ITGA7: variants seen among roughly 807,000 people sequenced by gnomAD.
The protein encoded by ITGA7 is integrin alpha-7.
A neutral mutation model predicts 131.6 loss-of-function variants in ITGA7; 84 were observed. That is an observed-to-expected ratio of 0.64 (90% CI 0.54 to 0.77). ITGA7 has a LOEUF of 0.77. Ranked by LOEUF, ITGA7 falls within the 30% of genes least tolerant of loss-of-function variation. ITGA7 has a pLI of 0.00. For missense variants in ITGA7, 1,399 were observed against 1,482.9 expected (o/e 0.94, Z 0.93); for synonymous variants, 548 against 600.7 (o/e 0.91, Z 1.28).
intron 24 of ITGA7, among the ~76,000 whole-genome samples, chr12:55,686,759 T>A (rs1375098571): frequency 6.6e-6 from 1 of 152,248 alleles, no homozygotes; most frequent in Admixed American, 6.5e-5. Context: ...GCTCTGGGTG[T>A]ACAAGAATGC....
chr12:55,696,419 T>A lies in ITGA7; in HGVS notation c.1751A>T (p.Asp584Val). 6.2e-7 allele frequency: 1 copy of A among 1,600,472 alleles called. No homozygotes were observed. Among genetic ancestry groups the A allele is most frequent in the Non-Finnish European group, 8.5e-7 (1 of 1,172,272 alleles). ...AMFQLQENVK[D>V]KLRAIVVTLS... ...GGTCACTACAATGGCCCGAAGCTTG[T>A]CTTTGACATTTTCCTAGGAAGAGGA... Residue 584 changes from aspartate to valine, a missense_variant, in exon 13 of 25, where the codon GAC becomes GTC. By Grantham distance (152) the Asp-to-Val change is radical (BLOSUM62 -3). Coordinates refer to ENST00000257879, the MANE Select transcript of ITGA7 (RefSeq NM_002206.3).
At position 55,707,820 on chromosome 12, in the gene ITGA7, G is replaced by GCCCTCCCGCCCGCCCGCCGCTCCGCCAC; in HGVS notation, c.-166_-139dup. On this transcript the variant is annotated 5_prime_UTR_variant, in exon 1 of 25. Transcript: ENST00000257879. The stretch of plus-strand genomic sequence containing the variant: ...CGTCTCCCAGACGTTCGCCCCGCCA[G>GCCCTCCCGCCCGCCCGCCGCTCCGCCAC]CCCTCCCGCCCGCCCGCCGCTCCGC... 6.9e-7 allele frequency: 1 copy of GCCCTCCCGCCCGCCCGCCGCTCCGCCAC among 1,455,778 alleles called. No individual in the cohort carries two copies. The allele number at this position is 1,455,778 out of a possible 1,614,324, so 90.2% of individuals were successfully genotyped here. A position where few individuals can be genotyped will look rare whatever the true frequency, so the allele number is the denominator to read the frequency against.
upstream of ITGA7, among the ~76,000 whole-genome samples, chr12:55,709,143 T>C (rs1875792066): frequency 6.6e-6 from 1 of 152,222 alleles, no homozygotes; most frequent in East Asian, 1.9e-4. Context: ...CCAAATTCTA[T>C]TTTGTCATCA....
chr12:55,715,989 G>GAT, upstream of ITGA7: 2 of 1,478,618 alleles, frequency 1.4e-6, no homozygotes, highest in South Asian at 2.6e-5. Flanking sequence ...TCCCCGCCAA[G>GAT]ATCTTCACCC....
In ITGA7 at chr12:55,685,123, TG is replaced by T. The variant is rs2135930554; in HGVS notation, c.3348del (p.Ile1117SerfsTer106). 1 of 1,612,782 alleles carries T rather than the reference TG, an allele frequency of 6.2e-7. No individual in the cohort carries two copies. The highest frequency in any genetic ancestry group is 8.5e-7 in the Non-Finnish European group (1 of 1,179,934). ...TCGGGATGCCCGTCAGCAGCCAGGATGGGGTGTGCATCCGGGCCCTCCCGCC... is the reference window on the plus strand; with the variant it reads ...TCGGGATGCCCGTCAGCAGCCAGGATGGGTGTGCATCCGGGCCCTCCCGCC... ...SPRREGPDAH[P>X]ILAADGHPEL... On this transcript the variant is annotated frameshift_variant, in exon 25 of 25. Transcript: ENST00000257879. LOFTEE classifies it high-confidence loss of function.
Position 55,688,836 on chromosome 12 carries a change from A to G in ITGA7, c.2958+8T>C. 6.2e-7 allele frequency: 1 copy of G among 1,603,458 alleles called. No individual in the cohort carries two copies. Among genetic ancestry groups the G allele is most frequent in the Non-Finnish European group, 8.5e-7 (1 of 1,170,402 alleles). ...GAAACACAGACTAGAGCCGAGTGGT[A>G]TCCTCACCTCCAGAAAGGTGCTGTT... On this transcript the variant is annotated splice_region_variant and intron_variant, in intron 22 of 24. Transcript: ENST00000257879.
Position 55,703,164 on chromosome 12 carries a change from G to A in ITGA7, c.221C>T (p.Ala74Val). Residue 74 changes from alanine to valine, a missense_variant, in exon 2 of 25, where the codon GCT becomes GTT. By Grantham distance (64) the Ala-to-Val change is moderately conservative. Coordinates refer to ENST00000257879, the MANE Select transcript of ITGA7 (RefSeq NM_002206.3). ...CCCAGGAAGAGCCAGGGCCTGGGGA[G>A]CACCCACCAGCAGCCTGCAAGATGG... ...PRPQSWLLVG[A>V]PQALALPGQQ... 1 of 1,610,514 alleles carries A rather than the reference G, an allele frequency of 6.2e-7. No homozygotes were observed. The highest frequency in any genetic ancestry group is 1.1e-5 in the South Asian group (1 of 91,024).
Position 55,696,905 on chromosome 12 carries a change from C to T in ITGA7, c.1731G>A (p.Gln577=). The change falls in exon 12 of 25, where the codon CAG becomes CAA. Residue 577 remains glutamine, a synonymous_variant. Transcript: ENST00000257879. The part of the protein sequence containing the change: ...HDRVCGDAMF[Q]LQENVKDKLR... ...CCAAGGGGTCAGTGTCCACCTGGAG[C>T]TGGAACATGGCGTCTCCACAGACTC... 1 of 1,614,120 alleles carries T rather than the reference C, an allele frequency of 6.2e-7. No individual in the cohort carries two copies. The highest frequency in any genetic ancestry group is 8.5e-7 in the Non-Finnish European group (1 of 1,179,970).
chr12:55,712,025 C>A, upstream of ITGA7: 1 of 1,505,992 alleles, frequency 6.6e-7, no homozygotes, highest in South Asian at 1.2e-5. Flanking sequence ...TTTTCCGTCC[C>A]AACATGCACA....
Position 55,700,942 on chromosome 12 carries a change from G to A in ITGA7, c.627C>T (p.Ser209=), listed in dbSNP as rs1366386883. ...QGTAAAFSPD[S]HYLLFGAPGT... ...CTGGGGCCCCAAAGAGGAGGTAGTG[G>A]CTATCAGGGGAGAAGGCGGCAGCTG... The change falls in exon 4 of 25, where the codon AGC becomes AGT. Residue 209 remains serine (S), a synonymous_variant. Transcript: ENST00000257879. The A allele has an allele frequency of 1.9e-6, 3 of 1,614,222 alleles. No individual in the cohort carries two copies. Among genetic ancestry groups the A allele is most frequent in the East Asian group, 2.2e-5 (1 of 44,892 alleles).
upstream of ITGA7, chr12:55,708,132 C>A: frequency 1.4e-6 from 1 of 736,988 alleles, no homozygotes; most frequent in Non-Finnish European, 1.7e-6. Context: ...CCCCCAACCC[C>A]ATCCCCACCC....
upstream of ITGA7, among the ~76,000 whole-genome samples, chr12:55,709,891 G>A (rs1179719428): frequency 6.6e-6 from 1 of 152,204 alleles, no homozygotes; most frequent in Non-Finnish European, 1.5e-5. Context: ...AAAGAAGAGA[G>A]AGAGAGGCCA....
chr12:55,712,671 CT>C (rs1876221209), upstream of ITGA7, among the ~76,000 whole-genome samples: 1 of 152,196 alleles, frequency 6.6e-6, no homozygotes, highest in African/African-American at 2.4e-5. Context: ...ATGTATGCGA[CT>C]TGTGTCCATC....
chr12:55,697,379 TG>T, intron 10 of ITGA7, 71 bp downstream of exon 10: 1 of 1,587,776 alleles, frequency 6.3e-7, no homozygotes, highest in Non-Finnish European at 8.6e-7. Flanking sequence ...AGCCCCAAAC[TG>T]GGGAGATAAA....
upstream of ITGA7, chr12:55,716,072 T>C: frequency 6.4e-7 from 1 of 1,569,338 alleles, no homozygotes; most frequent in Non-Finnish European, 8.6e-7. Context: ...GGAGCCGAGG[T>C]GAGCGTTCCA....
rs1200622030 is a variant in ITGA7 at position 55,696,436 on chromosome 12, G to A, written c.1738-4C>T. The A allele has an allele frequency of 6.3e-7, 1 of 1,594,282 alleles. No individual in the cohort carries two copies. Among genetic ancestry groups the A allele is most frequent in the Admixed American group, 1.7e-5 (1 of 57,814 alleles). On this transcript the variant is annotated splice_region_variant and splice_polypyrimidine_tract_variant and intron_variant, in intron 12 of 24. Transcript: ENST00000257879. ...GAAGCTTGTCTTTGACATTTTCCTA[G>A]GAAGAGGAAGGTCTATTCCTCACTG...
chr12:55,709,864 C>G, upstream of ITGA7, among the ~76,000 whole-genome samples: 1 of 152,110 alleles, frequency 6.6e-6, no homozygotes, highest in East Asian at 1.9e-4. Flanking sequence ...CTCACCACCA[C>G]AGGAGGAAAG....
upstream of ITGA7, among the ~76,000 whole-genome samples, chr12:55,715,559 G>T (rs1252293869): frequency 6.6e-6 from 1 of 152,180 alleles, no homozygotes; most frequent in Non-Finnish European, 1.5e-5. Context: ...CACACAGCCC[G>T]CCAAGTTAGC....
chr12:55,695,641 G>A lies in ITGA7; in HGVS notation c.1888-4C>T, dbSNP rs1442730720. On this transcript the variant is annotated splice_polypyrimidine_tract_variant and splice_region_variant and intron_variant, in intron 13 of 24. Transcript: ENST00000257879. ...AGCCTTGCTTCAGGAAGTGGATCTG[G>A]GGAGAGACATGAGATAAGGGGCATT... is the stretch of plus-strand genomic sequence containing the variant. The A allele has an allele frequency of 1.9e-6, 3 of 1,608,526 alleles. No individual in the cohort carries two copies. Among genetic ancestry groups the A allele is most frequent in the African/African-American group, 1.3e-5 (1 of 74,784 alleles).
Sources: gnomAD v4.1 joint callset for allele counts (sites outside exome capture counted in the v4.1 genomes callset) on GRCh38, gnomAD v4.1.1 for gene constraint, MANE v1.5 for transcripts, NCBI Gene and HGNC (gene_info 2026-07-23, HGNC 2026-07-21) for gene names.